Variants in SORCS2 observed in about 807,000 individuals in gnomAD.
SORCS2 encodes the protein VPS10 domain-containing receptor SorCS2.
SORCS2 carries 100 observed loss-of-function variants against 141.6 expected under a neutral mutation model. That is an observed-to-expected ratio of 0.71 (90% CI 0.60 to 0.83). The LOEUF is 0.83. Among genes scored for constraint, SORCS2 ranks in the 40% least tolerant of loss-of-function variants. The pLI, the probability that SORCS2 is intolerant of heterozygous loss-of-function variation, is 0.00. For missense variants in SORCS2, 1,646 were observed against 1,560.2 expected (o/e 1.05, Z -0.93); for synonymous variants, 789 against 676.9 (o/e 1.17, Z -2.57).
At chr4:7,724,230 T>G (rs1373136361) in intron 19 of SORCS2, among the ~76,000 whole-genome samples, 1 of 145,912 alleles carries the variant, frequency 6.9e-6, no homozygotes, top group African/African-American at 2.6e-5. Flanking sequence ...ATAGTGGAGG[T>G]GGTAGTGATG....
At chr4:7,197,216 C>T (rs1444488944) in intron 1 of SORCS2, among the ~76,000 whole-genome samples, 1 of 152,152 alleles carries the variant, frequency 6.6e-6, no homozygotes, top group African/African-American at 2.4e-5. Flanking sequence ...GGGCACCAGT[C>T]ATATTGGATC....
chr4:7,327,472 A>G (rs1384403017), intron 1 of SORCS2, among the ~76,000 whole-genome samples: 1 of 152,202 alleles, frequency 6.6e-6, no homozygotes, highest in Non-Finnish European at 1.5e-5. Context: ...TACATCTGCA[A>G]AGACCCCATT....
At chr4:7,597,416 G>A (rs913026932) in intron 3 of SORCS2, among the ~76,000 whole-genome samples, 5 of 145,982 alleles carry the variant, frequency 3.4e-5, no homozygotes, top group African/African-American at 1.3e-4. Flanking sequence ...GTTGCAATAG[G>A]AGAGGGCTAT....
At chr4:7,423,143 G>A (rs2109196350) in intron 2 of SORCS2, among the ~76,000 whole-genome samples, 1 of 152,218 alleles carries the variant, frequency 6.6e-6, no homozygotes, top group Middle Eastern at 3.4e-3. Context: ...CCACGCTAGG[G>A]GAAGGTGCCC....
intron 10 of SORCS2, among the ~76,000 whole-genome samples, chr4:7,689,057 G>A (rs559637767): frequency 6.6e-6 from 1 of 152,174 alleles, no homozygotes; most frequent in Non-Finnish European, 1.5e-5. Context: ...GGCTGTGCAG[G>A]CTCCAGGAAT....
rs1456066072 is a variant in SORCS2, at chr4:7,734,337, T to C, written c.3274T>C (p.Phe1092Leu). Residue 1092 changes from phenylalanine (F) to leucine (L), a missense_variant, in exon 25 of 27, where the codon TTC becomes CTC. Phe to Leu is a conservative substitution (Grantham distance 22). Transcript: ENST00000507866. ...AVVVLFVIGL[F>L]AAGAFILYKF... ...AGTGGTGCTGTTTGTCATCGGGCTC[T>C]TCGCAGCGGGAGCCTTCATCCTCTA... 5.7e-6 allele frequency: 9 copies of C among 1,592,854 alleles called. No homozygotes were observed. The highest frequency in any genetic ancestry group is 1.3e-5 in the African/African-American group (1 of 74,556).
At chr4:7,684,601 A>G (rs971890980) in intron 10 of SORCS2, among the ~76,000 whole-genome samples, 3 of 152,144 alleles carry the variant, frequency 2.0e-5, no homozygotes, top group African/African-American at 7.2e-5. Flanking sequence ...GAAACCACCC[A>G]TCACTCTTCC....
intron 1 of SORCS2, among the ~76,000 whole-genome samples, chr4:7,343,556 G>T (rs1340448849): frequency 6.6e-6 from 1 of 152,214 alleles, no homozygotes; most frequent in Non-Finnish European, 1.5e-5. Flanking sequence ...CTTGACCTCC[G>T]TAAGTGCAGG....
intron 3 of SORCS2, among the ~76,000 whole-genome samples, chr4:7,590,266 C>T (rs1049153401): frequency 5.9e-5 from 9 of 152,158 alleles, no homozygotes; most frequent in Non-Finnish European, 1.2e-4. Context: ...AATTATGCTC[C>T]GATCCCTTCC....
At chr4:7,481,548 G>A (rs575668755) in intron 2 of SORCS2, among the ~76,000 whole-genome samples, 1 of 152,174 alleles carries the variant, frequency 6.6e-6, no homozygotes, top group Non-Finnish European at 1.5e-5. Context: ...CGGGGGAGCC[G>A]AGAGGGATGG....
intron 3 of SORCS2, among the ~76,000 whole-genome samples, chr4:7,536,933 C>A: frequency 6.6e-6 from 1 of 152,036 alleles, no homozygotes; most frequent in East Asian, 1.9e-4. Flanking sequence ...GAGAGTCTTC[C>A]AAGGTCACCC....
chr4:7,738,294 G>C (rs546504283), intron 26 of SORCS2, among the ~76,000 whole-genome samples: 1 of 152,270 alleles, frequency 6.6e-6, no homozygotes, highest in Non-Finnish European at 1.5e-5. Flanking sequence ...AAGTGCCGCC[G>C]GCAGCCAGGC....
chr4:7,718,375 T>A (rs1368770270), intron 18 of SORCS2, among the ~76,000 whole-genome samples, 192 bp downstream of exon 18: 2 of 151,976 alleles, frequency 1.3e-5, no homozygotes, highest in Admixed American at 6.5e-5. Context: ...GACCAGCATT[T>A]AACAATGAAA....
chr4:7,589,087 G>A (rs1283083048), intron 3 of SORCS2, among the ~76,000 whole-genome samples: 1 of 152,170 alleles, frequency 6.6e-6, no homozygotes, highest in Non-Finnish European at 1.5e-5. Context: ...CACAGGAGGT[G>A]TGGGGCGAAG....
At chr4:7,252,510 A>G (rs865946174) in intron 1 of SORCS2, among the ~76,000 whole-genome samples, 18 of 152,340 alleles carry the variant, frequency 1.2e-4, no homozygotes, top group African/African-American at 4.1e-4. Context: ...AACATGTGTT[A>G]CTTTTATAAC....
intron 3 of SORCS2, among the ~76,000 whole-genome samples, chr4:7,548,136 C>A (rs1276003766): frequency 6.6e-6 from 1 of 152,186 alleles, no homozygotes; most frequent in Non-Finnish European, 1.5e-5. Context: ...AATTGCTGGG[C>A]TGAAAGAGGA....
chr4:7,661,705 T>C (rs1722184784), intron 6 of SORCS2, 141 bp downstream of exon 6: 1 of 775,508 alleles, frequency 1.3e-6, no homozygotes, highest in African/African-American at 1.8e-5. Flanking sequence ...TGTGGCATGA[T>C]TTTAAATGTG....
chr4:7,471,082 A>G (rs1729947563), intron 2 of SORCS2, among the ~76,000 whole-genome samples: 1 of 152,176 alleles, frequency 6.6e-6, no homozygotes. Context: ...GGTGGAGGGA[A>G]CAGCTAGGGA....
chr4:7,243,501 C>T (rs1037761204), intron 1 of SORCS2, among the ~76,000 whole-genome samples: 3 of 152,108 alleles, frequency 2.0e-5, no homozygotes, highest in African/African-American at 2.4e-5. Flanking sequence ...TGGAGGAGCC[C>T]GGGCTCCAGC....
Sources: allele counts gnomAD v4.1 joint callset (sites outside exome capture counted in the v4.1 genomes callset), GRCh38; gene constraint gnomAD v4.1.1; transcripts MANE v1.5; gene names NCBI Gene and HGNC (gene_info 2026-07-23, HGNC 2026-07-21).